GRIN2B: variants seen among roughly 807,000 people sequenced by gnomAD.
GRIN2B encodes the protein glutamate receptor ionotropic, NMDA 2B.
In GRIN2B, 5 loss-of-function variants were observed where a neutral mutation model predicts 114.5. The ratio of observed to expected loss-of-function variants is 0.04; its 90% CI spans 0.02 to 0.09. The LOEUF (loss-of-function observed/expected upper bound fraction) is 0.09, where lower values mean the gene tolerates loss of function less well. GRIN2B is among the 10% of genes least tolerant of loss of function. The pLI is 1.00. For missense variants in GRIN2B, 1,108 were observed against 1,943.5 expected, an observed-to-expected ratio of 0.57 and a Z score of 8.08; for synonymous variants, 787 against 745.1, an observed-to-expected ratio of 1.06 and a Z score of -0.92.
chr12:13,640,360 A>C (rs1949703731), intron 5 of GRIN2B, among the ~76,000 whole-genome samples: 1 of 152,200 alleles, frequency 6.6e-6, no homozygotes, highest in South Asian at 2.1e-4. Context: ...ATCTGGAAGT[A>C]GGACGTTCAT....
intron 8 of GRIN2B, among the ~76,000 whole-genome samples, chr12:13,614,091 A>G (rs1398005156): frequency 6.6e-6 from 1 of 151,634 alleles, no homozygotes. Flanking sequence ...AGTGTGTACT[A>G]TCTAATCACA....
intron 3 of GRIN2B, among the ~76,000 whole-genome samples, chr12:13,796,041 C>G (rs1864413578): frequency 6.7e-6 from 1 of 148,952 alleles, no homozygotes; most frequent in East Asian, 2.0e-4. Context: ...TGTAACAAAC[C>G]TGCACGTTGT....
In GRIN2B at chr12:13,611,606, A is replaced by T; in HGVS notation, c.1780+119T>A. 5 of 991,386 alleles carry T rather than the reference A, an allele frequency of 5.0e-6. No homozygotes were observed. In the South Asian group the frequency reaches 6.4e-5, roughly 13 times the overall value. The allele number at this position is 991,386 out of a possible 1,614,324, so 61.4% of individuals were successfully genotyped here. A position where few individuals can be genotyped will look rare whatever the true frequency, so the allele number is the denominator to read the frequency against. On this transcript the variant is annotated intron_variant, in intron 9 of 13. Transcript: ENST00000609686. ...CTGGTGACTTAGAAATGTTCACCTG[A>T]GGGTTCCTTTTCAGAAATGGATATG...
intron 5 of GRIN2B, among the ~76,000 whole-genome samples, chr12:13,659,131 A>T (rs1473925953): frequency 6.6e-6 from 1 of 152,150 alleles, no homozygotes; most frequent in Non-Finnish European, 1.5e-5. Flanking sequence ...AGAACCACAA[A>T]TTGACATTTC....
intron 4 of GRIN2B, among the ~76,000 whole-genome samples, chr12:13,683,215 GC>G (rs1950147467): frequency 6.6e-6 from 1 of 152,050 alleles, no homozygotes; most frequent in African/African-American, 2.4e-5. Flanking sequence ...TCTGGACAAT[GC>G]CCCAAAATGC....
intron 4 of GRIN2B, among the ~76,000 whole-genome samples, chr12:13,733,942 G>A (rs1863135086): frequency 1.3e-5 from 2 of 152,156 alleles, no homozygotes; most frequent in Admixed American, 6.5e-5. Context: ...CCTGCCTAAG[G>A]TAACACAGCA....
Position 13,777,632 on chromosome 12 carries a change from A to G in GRIN2B, c.412-23717T>C, listed in dbSNP as rs538166041. ...GGTGCCTAACGCTTGGTGCCTTTCC[A>G]TCACTGGCTCCTGGAGAACATGGGT... is the stretch of plus-strand genomic sequence containing the variant. On this transcript the variant is annotated intron_variant, in intron 3 of 13. Transcript: ENST00000609686. Among the ~76,000 whole-genome samples, 38 of 152,338 alleles carry G rather than the reference A, an allele frequency of 2.5e-4. No individual in the cohort carries two copies. In the South Asian group the frequency reaches 7.2e-3, roughly 29 times the overall value.
chr12:13,775,552 T>C (rs1863989677), intron 3 of GRIN2B, among the ~76,000 whole-genome samples: 1 of 152,308 alleles, frequency 6.6e-6, no homozygotes, highest in Admixed American at 6.5e-5. Flanking sequence ...CTATCTGATG[T>C]CAAGAAGAAG....
Position 13,539,968 on chromosome 12 carries a change from A to G in GRIN2B, c.*22815T>C, listed in dbSNP as rs1411462902. On this transcript the variant is annotated 3_prime_UTR_variant, in exon 14 of 14. Coordinates refer to ENST00000609686, the MANE Select transcript of GRIN2B (RefSeq NM_000834.5). ...AAAGAGTCCTTAGTAAAAGAGATAT[A>G]TACTGTAATGTTTACAGATGAAACC... The G allele has an allele frequency of 6.6e-6, 1 of 152,244 alleles. No individual in the cohort carries two copies. The highest frequency in any genetic ancestry group is 2.4e-5 in the African/African-American group (1 of 41,470). 9.4% of individuals were successfully genotyped at this position (152,244 alleles called of 1,614,324 possible).
intron 3 of GRIN2B, among the ~76,000 whole-genome samples, chr12:13,839,195 A>T (rs137877973): frequency 6.6e-6 from 1 of 152,366 alleles, no homozygotes; most frequent in East Asian, 1.9e-4. Context: ...TCATCTCTAC[A>T]GTAGCCTGGC....
rs1480071502 is a variant in GRIN2B, at chr12:13,558,423, C to G, written c.*4360G>C. The G allele has an allele frequency of 6.7e-6, 1 of 148,150 alleles. No homozygotes were observed. The highest frequency in any genetic ancestry group is 1.5e-5 in the Non-Finnish European group (1 of 67,400). The allele number at this position is 148,150 out of a possible 1,614,324, so 9.2% of individuals were successfully genotyped here. On this transcript the variant is annotated 3_prime_UTR_variant, in exon 14 of 14. Coordinates refer to ENST00000609686, the MANE Select transcript of GRIN2B (RefSeq NM_000834.5). ...TTTTTCCAAAAGCTTATTGCCCAAACAATCTGGTTATTCTATCTGTAAATC... is the reference window on the plus strand; with the variant it reads ...TTTTTCCAAAAGCTTATTGCCCAAAGAATCTGGTTATTCTATCTGTAAATC...
chr12:13,574,808 AAAG>A, intron 10 of GRIN2B, among the ~76,000 whole-genome samples: 1 of 152,382 alleles, frequency 6.6e-6, no homozygotes, highest in Non-Finnish European at 1.5e-5. Flanking sequence ...AAAAAAAGTT[AAAG>A]GATTTACACT....
At chr12:13,595,589 C>T (rs772357917) in intron 10 of GRIN2B, among the ~76,000 whole-genome samples, 1 of 152,200 alleles carries the variant, frequency 6.6e-6, no homozygotes. Flanking sequence ...TGAGAACTGG[C>T]ATTGACTTTG....
intron 4 of GRIN2B, among the ~76,000 whole-genome samples, chr12:13,709,241 A>G (rs1483722382): frequency 6.6e-6 from 1 of 152,046 alleles, no homozygotes; most frequent in Non-Finnish European, 1.5e-5. Flanking sequence ...AACTCATAAC[A>G]TAATATTTAA....
In GRIN2B at chr12:13,826,063, T is replaced by G. The variant is rs1865030139; in HGVS notation, c.411+39735A>C. The stretch of plus-strand genomic sequence containing the variant: ...TGCCTTTTCTTGAATTGACTGTTTT[T>G]TTAGAGTTCTGTATTACTTCCACCA... On this transcript the variant is annotated intron_variant, in intron 3 of 13. Coordinates refer to ENST00000609686, the MANE Select transcript of GRIN2B (RefSeq NM_000834.5). Among the ~76,000 whole-genome samples, 3 of 152,128 alleles carry G rather than the reference T, an allele frequency of 2.0e-5. No homozygotes were observed. In the South Asian group the frequency reaches 6.2e-4, roughly 31 times the overall value.
intron 2 of GRIN2B, among the ~76,000 whole-genome samples, chr12:13,974,304 AT>A (rs1862978695): frequency 6.6e-6 from 1 of 152,238 alleles, no homozygotes; most frequent in Admixed American, 6.5e-5. Flanking sequence ...TCATTTGCTC[AT>A]TCTAGAGGCA....
chr12:13,656,849 A>C (rs1344438570), intron 5 of GRIN2B, among the ~76,000 whole-genome samples: 1 of 152,262 alleles, frequency 6.6e-6, no homozygotes, highest in African/African-American at 2.4e-5. Flanking sequence ...ATAAGAATTT[A>C]ATCCAACCCT....
At chr12:13,783,431 G>GGTTTGGTTTTGTTTTGTTTTGTTTT (rs1555139060) in intron 3 of GRIN2B, among the ~76,000 whole-genome samples, 21 of 149,750 alleles carry the variant, frequency 1.4e-4, no homozygotes, top group South Asian at 4.3e-4. Context: ...AACGGAAATA[G>GGTTTGGTTTTGTTTTGTTTTGTTTT]GTTTTGTTTT....
chr12:13,716,301 G>A (rs1317625726), intron 4 of GRIN2B, among the ~76,000 whole-genome samples: 1 of 151,936 alleles, frequency 6.6e-6, no homozygotes, highest in African/African-American at 2.4e-5. Flanking sequence ...GGAGAGTATA[G>A]TGTAGGGAGG....
Sources: allele counts gnomAD v4.1 joint callset (sites outside exome capture counted in the v4.1 genomes callset), GRCh38; gene constraint gnomAD v4.1.1; transcripts MANE v1.5; gene names NCBI Gene and HGNC (gene_info 2026-07-23, HGNC 2026-07-21).